The following ASIC2 variants were observed in gnomAD, a reference collection of about 807,000 sequenced individuals.
ASIC2 encodes acid-sensing ion channel 2.
In ASIC2, 25 loss-of-function variants were observed where a neutral mutation model predicts 57.3. The ratio of observed to expected loss-of-function variants is 0.44; its 90% CI spans 0.32 to 0.61. ASIC2 has a LOEUF of 0.61. Among genes scored for constraint, ASIC2 ranks in the 20% least tolerant of loss-of-function variants. The pLI, the probability that ASIC2 is intolerant of heterozygous loss-of-function variation, is 0.06. For synonymous variants in ASIC2, 319 were observed against 307.5 expected (o/e 1.04, Z -0.39); for missense variants, 641 against 738.1 (o/e 0.87, Z 1.52).
intron 1 of ASIC2, among the ~76,000 whole-genome samples, chr17:33,616,357 C>T (rs1489746438): frequency 2.0e-5 from 3 of 152,168 alleles, no homozygotes; most frequent in African/African-American, 7.2e-5. Flanking sequence ...TCCTGATGAG[C>T]AGCATCTCCC....
Position 33,324,729 on chromosome 17 carries a change from A to G in ASIC2, c.556-212662T>C, listed in dbSNP as rs115664114. Among the ~76,000 whole-genome samples the G allele has an allele frequency of 6.7e-3, 1,014 of 152,262 alleles. 11 individuals carry two copies. The highest frequency in any genetic ancestry group is 0.022 in the African/African-American group (921 of 41,540). ...TCCCCATTAAGAGAGGAGCCCAGGG[A>G]TCAGTCGTTCTAACAGCATCTTTGA... On this transcript the variant is annotated intron_variant, in intron 1 of 9. Coordinates refer to the ASIC2 transcript ENST00000359872.
intron 1 of ASIC2, among the ~76,000 whole-genome samples, chr17:34,096,154 A>G (rs1358726761): frequency 6.6e-6 from 1 of 152,168 alleles, no homozygotes; most frequent in Admixed American, 6.5e-5. Flanking sequence ...TACACCCTCC[A>G]GCCCTAACAA....
chr17:33,042,780 G>GA lies in ASIC2; in HGVS notation c.988-14389_988-14388insT, dbSNP rs2091934626. Among the ~76,000 whole-genome samples the GA allele has an allele frequency of 2.0e-5, 3 of 152,308 alleles. No homozygotes were observed. The South Asian group carries it at 6.2e-4, about 32-fold the overall frequency. ...CAGGGTGGAGTCCACAGGAAGCAGA[G>GA]GTAATTACTGAGTGAGTGGCTGGAG... On this transcript the variant is annotated intron_variant, in intron 3 of 9. Transcript: ENST00000225823.
chr17:34,129,467 A>G (rs1357945218), intron 1 of ASIC2, among the ~76,000 whole-genome samples: 3 of 152,212 alleles, frequency 2.0e-5, no homozygotes, highest in Non-Finnish European at 4.4e-5. Flanking sequence ...ATATACACAC[A>G]CATACCACAG....
chr17:33,052,631 G>A (rs1056844201), intron 3 of ASIC2, among the ~76,000 whole-genome samples: 8 of 152,094 alleles, frequency 5.3e-5, no homozygotes, highest in Non-Finnish European at 1.2e-4. Flanking sequence ...GACCTCCAGG[G>A]TATGAGGTCC....
rs561869173 is a variant in ASIC2 at position 33,966,485 on chromosome 17, C to A, written c.555+189493G>T. Among the ~76,000 whole-genome samples, 14 of 152,246 alleles carry A rather than the reference C, an allele frequency of 9.2e-5. No homozygotes were observed. In the South Asian group the frequency reaches 2.5e-3, roughly 27 times the overall value. ...ACATTCATTCTGAAAACAAACATAT[C>A]CGAACCGCCATAAAAACTGGTAACA... On this transcript the variant is annotated intron_variant, in intron 1 of 9. Coordinates refer to the ASIC2 transcript ENST00000359872.
At chr17:33,369,064 T>A (rs1194922299) in intron 1 of ASIC2, among the ~76,000 whole-genome samples, 2 of 152,204 alleles carry the variant, frequency 1.3e-5, no homozygotes, top group African/African-American at 4.8e-5. Flanking sequence ...CTATGAAGAT[T>A]ATCCTTGGTG....
intron 1 of ASIC2, among the ~76,000 whole-genome samples, chr17:33,505,050 A>G (rs1340649744): frequency 6.6e-6 from 1 of 152,192 alleles, no homozygotes; most frequent in East Asian, 1.9e-4. Context: ...GGTCTGGCTC[A>G]GGGCTGGTAC....
intron 1 of ASIC2, among the ~76,000 whole-genome samples, chr17:33,701,718 A>G (rs2347559): frequency 0.19 from 29,310 of 152,072 alleles, 3,407 homozygotes; most frequent in African/African-American, 0.33. Flanking sequence ...ATTCTTACCC[A>G]CTTGATCATT....
intron 3 of ASIC2, among the ~76,000 whole-genome samples, chr17:33,039,812 T>C (rs1241103636): frequency 2.6e-5 from 4 of 152,176 alleles, no homozygotes; most frequent in Non-Finnish European, 4.4e-5. Flanking sequence ...TTCACCTGCC[T>C]GATCCTGCTC....
At chr17:33,165,454 GGT>G (rs150882557) in intron 1 of ASIC2, among the ~76,000 whole-genome samples, 2 of 151,280 alleles carry the variant, frequency 1.3e-5, no homozygotes, top group Admixed American at 6.6e-5. Context: ...GTCTTCTAAG[GGT>G]GTGTGTGTGT....
chr17:33,123,845 C>A (rs1421631454), intron 1 of ASIC2, among the ~76,000 whole-genome samples: 1 of 152,188 alleles, frequency 6.6e-6, no homozygotes, highest in Non-Finnish European at 1.5e-5. Context: ...AATATCCCTT[C>A]TTTCGTGCAG....
intron 1 of ASIC2, among the ~76,000 whole-genome samples, chr17:33,397,123 C>T (rs1481887444): frequency 1.3e-5 from 2 of 152,122 alleles, no homozygotes; most frequent in African/African-American, 4.8e-5. Context: ...TTGCTCACTG[C>T]CTGGTGGGAG....
At chr17:33,839,722 G>T (rs555986731) in intron 1 of ASIC2, among the ~76,000 whole-genome samples, 1 of 152,190 alleles carries the variant, frequency 6.6e-6, no homozygotes, top group South Asian at 2.1e-4. Context: ...TTAAAGGAGG[G>T]ATAAGGGTCT....
At chr17:33,300,939 T>C (rs1349760882) in intron 1 of ASIC2, among the ~76,000 whole-genome samples, 1 of 152,190 alleles carries the variant, frequency 6.6e-6, no homozygotes, top group East Asian at 1.9e-4. Flanking sequence ...TATTTGATAG[T>C]TGACATTGAT....
At chr17:34,075,129 C>T (rs1011901024) in intron 1 of ASIC2, among the ~76,000 whole-genome samples, 2 of 152,050 alleles carry the variant, frequency 1.3e-5, no homozygotes, top group East Asian at 1.9e-4. Flanking sequence ...TGGGAATGGA[C>T]CATGTGCTTG....
intron 1 of ASIC2, among the ~76,000 whole-genome samples, chr17:33,369,032 A>G (rs944936562): frequency 6.6e-6 from 1 of 152,222 alleles, no homozygotes; most frequent in African/African-American, 2.4e-5. Flanking sequence ...TGGAGTGAAC[A>G]TGATAAAGGC....
chr17:34,138,948 C>A (rs1179523155), intron 1 of ASIC2, among the ~76,000 whole-genome samples: 4 of 152,330 alleles, frequency 2.6e-5, no homozygotes, highest in East Asian at 1.9e-4. Flanking sequence ...ATAGGAGGAA[C>A]TGTAGTTTTT....
chr17:33,707,387 A>C (rs1014184400), intron 1 of ASIC2, among the ~76,000 whole-genome samples: 1 of 152,110 alleles, frequency 6.6e-6, no homozygotes, highest in Non-Finnish European at 1.5e-5. Context: ...CTAATTTTTT[A>C]ACACACTTAT....
Sources: allele counts gnomAD v4.1 joint callset (sites outside exome capture counted in the v4.1 genomes callset), GRCh38; gene constraint gnomAD v4.1.1; transcripts MANE v1.5; gene names NCBI Gene and HGNC (gene_info 2026-07-23, HGNC 2026-07-21).